The following SNX13 variants were observed in gnomAD, a reference collection of about 807,000 sequenced individuals.
The protein encoded by SNX13 is sorting nexin 13, also known as sorting nexin-13.
SNX13 carries 45 observed loss-of-function variants against 133.6 expected under a neutral mutation model. The observed-to-expected ratio is 0.34, with a 90% CI of 0.27 to 0.43. The LOEUF (loss-of-function observed/expected upper bound fraction) is 0.43, where lower values mean the gene tolerates loss of function less well. Ranked by LOEUF, SNX13 falls within the 20% of genes least tolerant of loss-of-function variation. SNX13 has a pLI of 1.00. For missense variants in SNX13, 1,032 were observed against 1,145.1 expected (o/e 0.90, Z 1.43); for synonymous variants, 414 against 373.9 (o/e 1.11, Z -1.24).
chr7:17,803,345 T>G, intron 21 of SNX13, 74 bp downstream of exon 21: 1 of 1,392,468 alleles, frequency 7.2e-7, no homozygotes, highest in Non-Finnish European at 9.7e-7. Context: ...CTAAGGTAAA[T>G]CCAACCAGAA....
chr7:17,884,107 T>C lies in SNX13; in HGVS notation c.440+6256A>G, dbSNP rs1451036276. Among the ~76,000 whole-genome samples the C allele has an allele frequency of 2.6e-5, 4 of 152,262 alleles. No individual in the cohort carries two copies. In the East Asian group the frequency reaches 7.7e-4, roughly 29 times the overall value. ...AGACAGTTTTATAGCCATTAAAATA[T>C]ATAAGAAGAATTATAAATATATAGA... On this transcript the variant is annotated intron_variant, in intron 5 of 25. Transcript: ENST00000428135.
chr7:17,874,184 C>T (rs1349268173), intron 7 of SNX13, among the ~76,000 whole-genome samples: 1 of 151,958 alleles, frequency 6.6e-6, no homozygotes, highest in Non-Finnish European at 1.5e-5. Context: ...CTGCTCAGGT[C>T]CACTTATATG....
chr7:17,900,526 A>G (rs1797708753), intron 1 of SNX13, among the ~76,000 whole-genome samples: 1 of 152,210 alleles, frequency 6.6e-6, no homozygotes, highest in South Asian at 2.1e-4. Context: ...CCAAGCCACA[A>G]GATGAAGTCC....
At chr7:17,920,868 C>T (rs1417858239) in intron 1 of SNX13, among the ~76,000 whole-genome samples, 2 of 152,128 alleles carry the variant, frequency 1.3e-5, no homozygotes, top group African/African-American at 4.8e-5. Context: ...AAATCTAGAA[C>T]TGGACAATTT....
intron 5 of SNX13, among the ~76,000 whole-genome samples, chr7:17,884,741 T>C (rs1411481717): frequency 2.6e-5 from 4 of 152,136 alleles, no homozygotes; most frequent in African/African-American, 9.7e-5. Flanking sequence ...ATAGAAAATA[T>C]ACAAATGACC....
At chr7:17,883,709 C>G (rs757350660) in intron 5 of SNX13, among the ~76,000 whole-genome samples, 1 of 152,108 alleles carries the variant, frequency 6.6e-6, no homozygotes, top group African/African-American at 2.4e-5. Flanking sequence ...TATCCCTCCC[C>G]TTGCCCCTCA....
intron 1 of SNX13, among the ~76,000 whole-genome samples, chr7:17,924,910 C>A (rs1800569665): frequency 6.6e-6 from 1 of 152,052 alleles, no homozygotes; most frequent in Non-Finnish European, 1.5e-5. Flanking sequence ...ATAACATGTT[C>A]AAAACAGGCA....
At chr7:17,883,720 C>A (rs1795636790) in intron 5 of SNX13, among the ~76,000 whole-genome samples, 2 of 151,936 alleles carry the variant, frequency 1.3e-5, no homozygotes, top group Non-Finnish European at 2.9e-5. Flanking sequence ...TTGCCCCTCA[C>A]CCCCCAAGAG....
intron 5 of SNX13, chr7:17,889,635 AG>A (rs543331932): frequency 6.6e-6 from 1 of 152,164 alleles, no homozygotes; most frequent in African/African-American, 2.4e-5. Context: ...TCAAGGATGG[AG>A]GGGAAAAAAA....
intron 2 of SNX13, 150 bp downstream of exon 2, chr7:17,897,184 T>C: frequency 2.4e-6 from 1 of 409,270 alleles, no homozygotes; most frequent in Non-Finnish European, 4.4e-6. Flanking sequence ...TTTTTATTTT[T>C]ATGGGTATCC....
intron 18 of SNX13, among the ~76,000 whole-genome samples, chr7:17,821,089 T>TAA (rs1236525433): frequency 6.6e-6 from 1 of 152,184 alleles, no homozygotes; most frequent in Non-Finnish European, 1.5e-5. Flanking sequence ...ATTTCACTGT[T>TAA]ACACTGCTGG....
rs915582157 is a variant in SNX13 at position 17,791,383 on chromosome 7, T to G, written c.*2662A>C. 2.6e-5 allele frequency: 4 copies of G among 151,424 alleles called. No individual in the cohort carries two copies. Among genetic ancestry groups the G allele is most frequent in the African/African-American group, 4.8e-5 (2 of 41,306 alleles). The allele number at this position is 151,424 out of a possible 1,614,324, so 9.4% of individuals were successfully genotyped here. A position where few individuals can be genotyped will look rare whatever the true frequency, so the allele number is the denominator to read the frequency against. ...TGAAATATTCAAGAAAGTTTTTGTT[T>G]TTTTTTTTTTTAAAAAAATTAAGGC... On this transcript the variant is annotated 3_prime_UTR_variant, in exon 26 of 26. Coordinates refer to ENST00000428135, the MANE Select transcript of SNX13 (RefSeq NM_015132.5).
At chr7:17,937,821 T>C (rs1802288601) in intron 1 of SNX13, among the ~76,000 whole-genome samples, 1 of 152,194 alleles carries the variant, frequency 6.6e-6, no homozygotes, top group Non-Finnish European at 1.5e-5. Flanking sequence ...TATCATTGGT[T>C]AATGGGGATA....
rs1783496807 is a variant in SNX13 at position 17,791,151 on chromosome 7, T to C, written c.*2894A>G. On this transcript the variant is annotated 3_prime_UTR_variant, in exon 26 of 26. Transcript: ENST00000428135. ...GTTGGATTAAGAAGACAGTTTAAGCTACATCTCAAAAAATTAAAAATTCAT... is the reference window on the plus strand; with the variant it reads ...GTTGGATTAAGAAGACAGTTTAAGCCACATCTCAAAAAATTAAAAATTCAT... The C allele has an allele frequency of 6.6e-6, 1 of 152,010 alleles. No homozygotes were observed. Among genetic ancestry groups the C allele is most frequent in the African/African-American group, 2.4e-5 (1 of 41,448 alleles). 9.4% of individuals were successfully genotyped at this position (152,010 alleles called of 1,614,324 possible). A position where few individuals can be genotyped will look rare whatever the true frequency, so the allele number is the denominator to read the frequency against.
intron 1 of SNX13, among the ~76,000 whole-genome samples, chr7:17,908,358 T>G (rs2714861): frequency 0.44 from 66,908 of 151,974 alleles, 15,162 homozygotes; most frequent in South Asian, 0.67. Context: ...AAAATGACCT[T>G]TGAGAAAGAT....
chr7:17,925,970 G>A (rs1200099711), intron 1 of SNX13, among the ~76,000 whole-genome samples: 2 of 152,182 alleles, frequency 1.3e-5, no homozygotes, highest in Non-Finnish European at 2.9e-5. Context: ...ATTTTACTAG[G>A]TGTAACAATA....
chr7:17,856,798 A>G (rs1050205849), intron 9 of SNX13, among the ~76,000 whole-genome samples: 4 of 150,594 alleles, frequency 2.7e-5, no homozygotes, highest in Non-Finnish European at 5.9e-5. Context: ...AAAAAAAAAA[A>G]AAAAAGAAAG....
chr7:17,898,398 G>C (rs909381755), intron 1 of SNX13: 1 of 152,108 alleles, frequency 6.6e-6, no homozygotes, highest in Non-Finnish European at 1.5e-5. Context: ...AAAAACTACA[G>C]AACAGACAGT....
intron 1 of SNX13, among the ~76,000 whole-genome samples, chr7:17,920,054 T>G (rs923628361): frequency 6.6e-6 from 1 of 152,178 alleles, no homozygotes; most frequent in Non-Finnish European, 1.5e-5. Context: ...TAAATCCCCA[T>G]GACTTAAAAC....
Sources: gnomAD v4.1 joint callset for allele counts (sites outside exome capture counted in the v4.1 genomes callset) on GRCh38, gnomAD v4.1.1 for gene constraint, MANE v1.5 for transcripts, NCBI Gene and HGNC (gene_info 2026-07-23, HGNC 2026-07-21) for gene names.